Variants in PGM5 observed in about 807,000 individuals in gnomAD.
PGM5 encodes the protein phosphoglucomutase 5.
PGM5 carries 23 observed loss-of-function variants against 59.2 expected under a neutral mutation model. That is an observed-to-expected ratio of 0.39 (90% CI 0.28 to 0.55). The LOEUF (loss-of-function observed/expected upper bound fraction) is 0.55, where lower values mean the gene tolerates loss of function less well. PGM5 is among the 20% of genes least tolerant of loss of function. PGM5 has a pLI of 0.66. For synonymous variants in PGM5, 214 were observed against 286.0 expected (o/e 0.75, Z 2.54); for missense variants, 574 against 748.3 (o/e 0.77, Z 2.72).
rs1444451640 is a variant in PGM5, at chr9:68,385,225, A to G, written c.571+681A>G. 3.6e-3 allele frequency among the ~76,000 whole-genome samples: 534 copies of G among 146,638 alleles called. 2 individuals are homozygous for G. The highest frequency in any genetic ancestry group is 0.013 in the African/African-American group (499 of 39,788). ...TATGACAACAACATTAATAACATGT[A>G]TGTATACATTTTCCCCCTGTATTTT... On this transcript the variant is annotated intron_variant, in intron 3 of 10. Transcript: ENST00000396396.
At position 68,479,422 on chromosome 9, in the gene PGM5, T is replaced by C. The variant is rs147079195; in HGVS notation, c.1164T>C (p.Ser388=). 1.7e-4 allele frequency: 269 copies of C among 1,610,572 alleles called. 2 individuals are homozygous for C. The African/African-American group carries it at 2.9e-3, about 18-fold the overall frequency. ...GAATTTTTCTTTCACCTTTAGGCTC[T>C]GACCACCTCCGAGAGAAGGATGGCC... ...LCGEESFGTG[S]DHLREKDGLW... is the part of the protein sequence containing the mutation. Residue 388 remains serine, a synonymous_variant, in exon 8 of 11, where the codon TCT becomes TCC. Transcript: ENST00000396396.
intron 6 of PGM5, among the ~76,000 whole-genome samples, chr9:68,439,565 A>G (rs957150065): frequency 6.8e-6 from 1 of 147,980 alleles, no homozygotes; most frequent in Non-Finnish European, 1.5e-5. Flanking sequence ...GAAGATGATC[A>G]AACAGCTACA....
intron 6 of PGM5, among the ~76,000 whole-genome samples, chr9:68,449,646 C>CACGT (rs1823664620): frequency 6.6e-6 from 1 of 152,146 alleles, no homozygotes; most frequent in South Asian, 2.1e-4. Flanking sequence ...TGCCTATGAG[C>CACGT]ACGTGAAGGC....
At chr9:68,383,512 A>G (rs1216641693) in intron 2 of PGM5, among the ~76,000 whole-genome samples, 1 of 151,896 alleles carries the variant, frequency 6.6e-6, no homozygotes, top group African/African-American at 2.4e-5. Flanking sequence ...ACAAGTAACT[A>G]TTGTATTGGA....
chr9:68,447,531 T>C (rs1554684084), intron 6 of PGM5, among the ~76,000 whole-genome samples: 1 of 152,078 alleles, frequency 6.6e-6, no homozygotes, highest in Non-Finnish European at 1.5e-5. Context: ...CTATTAAGAA[T>C]GGGGAGGATA....
At chr9:68,458,598 C>A (rs1431459170) in intron 6 of PGM5, among the ~76,000 whole-genome samples, 6 of 152,118 alleles carry the variant, frequency 3.9e-5, no homozygotes, top group African/African-American at 1.4e-4. Context: ...CCCATTTGAA[C>A]CTCACAACCT....
chr9:68,414,789 G>A (rs1361542190), intron 6 of PGM5, among the ~76,000 whole-genome samples: 49 of 146,358 alleles, frequency 3.3e-4, no homozygotes, highest in African/African-American at 1.2e-3. Flanking sequence ...TCAGAGAAGA[G>A]GAGGTATTTG....
At chr9:68,506,699 T>C (rs1222489642) in intron 10 of PGM5, among the ~76,000 whole-genome samples, 1 of 152,156 alleles carries the variant, frequency 6.6e-6, no homozygotes, top group Non-Finnish European at 1.5e-5. Context: ...ATGGATATAA[T>C]ACATATGATG....
chr9:68,487,531 G>A (rs1554687627), intron 9 of PGM5, among the ~76,000 whole-genome samples: 1 of 150,880 alleles, frequency 6.6e-6, no homozygotes. Flanking sequence ...GTAATAATCA[G>A]TGTGCCCTAG....
At chr9:68,488,948 C>A (rs1280840439) in intron 9 of PGM5, among the ~76,000 whole-genome samples, 1 of 152,144 alleles carries the variant, frequency 6.6e-6, no homozygotes, top group Non-Finnish European at 1.5e-5. Context: ...TTTATACCTT[C>A]TAAAGAGATA....
At chr9:68,373,051 C>T (rs548508582) in intron 1 of PGM5, among the ~76,000 whole-genome samples, 70 of 151,236 alleles carry the variant, frequency 4.6e-4, no homozygotes, top group African/African-American at 1.6e-3. Context: ...AGCCACTTGG[C>T]TCATGAGCCC....
intron 9 of PGM5, among the ~76,000 whole-genome samples, chr9:68,495,534 C>G (rs1824469149): frequency 6.6e-6 from 1 of 152,178 alleles, no homozygotes; most frequent in Admixed American, 6.5e-5. Flanking sequence ...CATACAGCCT[C>G]TAACAATATT....
At chr9:68,439,547 G>C (rs1823494102) in intron 6 of PGM5, among the ~76,000 whole-genome samples, 1 of 144,820 alleles carries the variant, frequency 6.9e-6, no homozygotes, top group Admixed American at 6.9e-5. Context: ...TATGACAGCT[G>C]TTTCTCAGAA....
At chr9:68,389,428 AC>A (rs1554679259) in intron 4 of PGM5, among the ~76,000 whole-genome samples, 1 of 152,054 alleles carries the variant, frequency 6.6e-6, no homozygotes, top group East Asian at 1.9e-4. Context: ...GCCCCTGGCA[AC>A]CACTCATCTG....
At chr9:68,525,299 G>A (rs968640814) in intron 10 of PGM5, among the ~76,000 whole-genome samples, 3 of 152,084 alleles carry the variant, frequency 2.0e-5, no homozygotes, top group Non-Finnish European at 4.4e-5. Context: ...AAGATGTATT[G>A]AGTATCTCCT....
chr9:68,506,813 A>G (rs1203380262), intron 10 of PGM5, among the ~76,000 whole-genome samples: 1 of 152,174 alleles, frequency 6.6e-6, no homozygotes, highest in African/African-American at 2.4e-5. Flanking sequence ...ATATGTGTGT[A>G]CATGCATGTG....
At position 68,437,917 on chromosome 9, in the gene PGM5, T is replaced by A. The variant is rs1554683444; in HGVS notation, c.1044-27176T>A. On this transcript the variant is annotated intron_variant, in intron 6 of 10. Coordinates refer to ENST00000396396, the MANE Select transcript of PGM5 (RefSeq NM_021965.4). The surrounding 1 kb of genome is among the most constrained non-coding windows in gnomAD (Gnocchi z 4.1). ...TCATCATTGTCCCCATAATTCTCTG[T>A]TGTCACATATCCAGCTGGCTGCTTT... is the stretch of plus-strand genomic sequence containing the variant. Among the ~76,000 whole-genome samples, 1 of 152,152 alleles carries A rather than the reference T, an allele frequency of 6.6e-6. No homozygotes were observed. The highest frequency in any genetic ancestry group is 1.9e-4 in the East Asian group (1 of 5,194).
chr9:68,470,438 A>G (rs1302634561), intron 7 of PGM5, among the ~76,000 whole-genome samples: 2 of 152,228 alleles, frequency 1.3e-5, no homozygotes, highest in Non-Finnish European at 2.9e-5. Flanking sequence ...CTTCATTTAT[A>G]TTTCACATAT....
intron 7 of PGM5, among the ~76,000 whole-genome samples, chr9:68,467,664 T>C (rs1554685930): frequency 6.6e-6 from 1 of 152,224 alleles, no homozygotes; most frequent in African/African-American, 2.4e-5. Flanking sequence ...AAGTCTCTTT[T>C]AATCTACGTT....
Sources: allele counts gnomAD v4.1 joint callset (sites outside exome capture counted in the v4.1 genomes callset), GRCh38; gene constraint gnomAD v4.1.1; non-coding constraint Gnocchi (gnomAD v3.1); transcripts MANE v1.5; gene names NCBI Gene and HGNC (gene_info 2026-07-23, HGNC 2026-07-21).